The following PTPRE variants were observed in gnomAD, a reference collection of about 807,000 sequenced individuals.
PTPRE encodes receptor-type tyrosine-protein phosphatase epsilon.
Under a neutral mutation model 102.0 loss-of-function variants are expected in PTPRE, and 51 were observed. The ratio of observed to expected loss-of-function variants is 0.50; its 90% CI spans 0.40 to 0.63. The LOEUF is 0.63. Among genes scored for constraint, PTPRE ranks in the 30% least tolerant of loss-of-function variants. The pLI is 0.00. For synonymous variants in PTPRE, 345 were observed against 348.2 expected, an observed-to-expected ratio of 0.99 and a Z score of 0.10; for missense variants, 752 against 915.1, an observed-to-expected ratio of 0.82 and a Z score of 2.30.
intron 1 of PTPRE, among the ~76,000 whole-genome samples, chr10:127,933,455 C>G (rs1240019389): frequency 1.3e-5 from 2 of 152,156 alleles, no homozygotes; most frequent in Non-Finnish European, 2.9e-5. Context: ...AGATAATTTT[C>G]TCTTTCCTGA....
At chr10:128,035,949 T>G (rs751363037) in intron 2 of PTPRE, among the ~76,000 whole-genome samples, 1 of 152,056 alleles carries the variant, frequency 6.6e-6, no homozygotes, top group Non-Finnish European at 1.5e-5. Flanking sequence ...AAAACCCAAA[T>G]CACCTTACAC....
At chr10:127,964,285 T>C (rs1850065789) in intron 1 of PTPRE, among the ~76,000 whole-genome samples, 1 of 152,180 alleles carries the variant, frequency 6.6e-6, no homozygotes, top group Non-Finnish European at 1.5e-5. Context: ...TTCTCCTGCC[T>C]CAGCCTCCAG....
chr10:127,907,832 A>G lies in PTPRE; in HGVS notation c.-31+523A>G, dbSNP rs1237947271. ...GCCGGGCGGGCGCCCGCGCCTTCCCAGGGAGGCAGGTGGAGCGGGATGCAG... is the reference window on the plus strand; with the variant it reads ...GCCGGGCGGGCGCCCGCGCCTTCCCGGGGAGGCAGGTGGAGCGGGATGCAG... On this transcript the variant is annotated intron_variant, in intron 1 of 20. Coordinates refer to ENST00000254667, the MANE Select transcript of PTPRE (RefSeq NM_006504.6). The surrounding 1 kb of genome is among the most constrained non-coding windows in gnomAD (Gnocchi z 4.8). Among the ~76,000 whole-genome samples, 1 of 152,182 alleles carries G rather than the reference A, an allele frequency of 6.6e-6. No individual in the cohort carries two copies. Among genetic ancestry groups the G allele is most frequent in the Admixed American group, 6.5e-5 (1 of 15,282 alleles).
intron 2 of PTPRE, among the ~76,000 whole-genome samples, chr10:128,034,368 CT>C (rs767119967): frequency 7.4e-5 from 11 of 148,410 alleles, no homozygotes; most frequent in East Asian, 6.0e-4. Context: ...GCTTTTGAAA[CT>C]TTTATAGAGT....
intron 2 of PTPRE, among the ~76,000 whole-genome samples, chr10:128,007,187 G>T (rs1043210283): frequency 3.3e-5 from 5 of 152,124 alleles, no homozygotes; most frequent in Admixed American, 2.6e-4. Context: ...TATTTGAGGG[G>T]ATGTGGCTGA....
intron 1 of PTPRE, among the ~76,000 whole-genome samples, chr10:127,922,435 C>T (rs1229831640): frequency 6.6e-6 from 1 of 152,222 alleles, no homozygotes; most frequent in Non-Finnish European, 1.5e-5. Context: ...GCAAGGGGGC[C>T]AGGGGGCCAT....
chr10:127,964,956 G>T (rs1444008953), intron 1 of PTPRE: 1 of 456,370 alleles, frequency 2.2e-6, no homozygotes, highest in African/African-American at 2.0e-5. Context: ...CTCCATGAAG[G>T]ACAGGGACCG....
At chr10:127,926,992 A>G (rs1847068931) in intron 1 of PTPRE, among the ~76,000 whole-genome samples, 1 of 151,476 alleles carries the variant, frequency 6.6e-6, no homozygotes, top group African/African-American at 2.4e-5. Flanking sequence ...TTGTATTTTT[A>G]GTAGAGATGG....
At chr10:127,971,157 G>A (rs1850698398) in intron 1 of PTPRE, among the ~76,000 whole-genome samples, 1 of 152,208 alleles carries the variant, frequency 6.6e-6, no homozygotes, top group Non-Finnish European at 1.5e-5. Context: ...ACCTGACTGA[G>A]AGCTTCATGT....
chr10:128,072,262 C>T (rs952905235), intron 16 of PTPRE, 48 bp downstream of exon 16: 16 of 1,454,170 alleles, frequency 1.1e-5, no homozygotes, highest in Middle Eastern at 1.7e-4. Context: ...GTTTCCTTCA[C>T]ATGTGACCAC....
intron 15 of PTPRE, 85 bp from the exon 16 acceptor site, chr10:128,072,053 A>G (rs1850817825): frequency 9.2e-7 from 1 of 1,087,510 alleles, no homozygotes; most frequent in Non-Finnish European, 1.4e-6. Flanking sequence ...AATAGGATCT[A>G]TATTTTGCAA....
chr10:128,053,529 G>A (rs1488832993), intron 6 of PTPRE, among the ~76,000 whole-genome samples: 1 of 152,176 alleles, frequency 6.6e-6, no homozygotes, highest in Non-Finnish European at 1.5e-5. Flanking sequence ...GTCCATGTGG[G>A]TGGTTATTCT....
chr10:128,033,588 G>A (rs1297269584), intron 2 of PTPRE, among the ~76,000 whole-genome samples: 2 of 152,152 alleles, frequency 1.3e-5, no homozygotes, highest in African/African-American at 2.4e-5. Context: ...GGTAAAGCTC[G>A]GCATTTGTAG....
intron 3 of PTPRE, among the ~76,000 whole-genome samples, chr10:128,044,147 G>A (rs183590097): frequency 2.0e-4 from 30 of 152,320 alleles, no homozygotes; most frequent in South Asian, 2.1e-4. Flanking sequence ...TCTTAATTAT[G>A]TTTAACTCTG....
intron 2 of PTPRE, among the ~76,000 whole-genome samples, chr10:128,026,474 C>G (rs947736504): frequency 1.3e-5 from 2 of 152,222 alleles, no homozygotes; most frequent in African/African-American, 4.8e-5. Context: ...CGGGCTTGTC[C>G]GGAGCATGGC....
chr10:127,914,925 T>TATTC (rs1488462129), intron 1 of PTPRE, among the ~76,000 whole-genome samples: 1 of 152,218 alleles, frequency 6.6e-6, no homozygotes, highest in Non-Finnish European at 1.5e-5. Context: ...GTGGAGCTAA[T>TATTC]ATTCAGACCC....
rs1846964681 is a variant in PTPRE at position 128,033,726 on chromosome 10, C to A, written c.-7-7149C>A. On this transcript the variant is annotated intron_variant, in intron 2 of 20. Transcript: ENST00000254667. ...GTGGCACAATCTCGGCTCATTGCAA[C>A]CTCCGCCTCCCGGGTTCAAGCGATT... Among the ~76,000 whole-genome samples, 3 of 152,214 alleles carry A rather than the reference C, an allele frequency of 2.0e-5. No individual in the cohort carries two copies. In the South Asian group the frequency reaches 6.2e-4, roughly 32 times the overall value.
chr10:128,046,141 G>A (rs957077718), intron 3 of PTPRE, among the ~76,000 whole-genome samples: 11 of 152,340 alleles, frequency 7.2e-5, no homozygotes, highest in Admixed American at 5.2e-4. Flanking sequence ...CAGAGTCAGT[G>A]CCAGGCCTGG....
chr10:127,988,635 A>G (rs1388527398), intron 2 of PTPRE, among the ~76,000 whole-genome samples: 1 of 152,160 alleles, frequency 6.6e-6, no homozygotes, highest in African/African-American at 2.4e-5. Context: ...GCTCATACAC[A>G]TGAACATAAA....
Sources: allele counts gnomAD v4.1 joint callset (sites outside exome capture counted in the v4.1 genomes callset), GRCh38; gene constraint gnomAD v4.1.1; non-coding constraint Gnocchi (gnomAD v3.1); transcripts MANE v1.5; gene names NCBI Gene and HGNC (gene_info 2026-07-23, HGNC 2026-07-21).